Variants in SLC38A10 observed in about 807,000 individuals in gnomAD.
SLC38A10 encodes Sodium-coupled neutral amino acid transporter 10.
SLC38A10 carries 53 observed loss-of-function variants against 81.0 expected under a neutral mutation model. That is an observed-to-expected ratio of 0.65 (90% CI 0.53 to 0.82). SLC38A10 has a LOEUF of 0.82. SLC38A10 is among the 40% of genes least tolerant of loss of function. The pLI is 0.00. For synonymous variants in SLC38A10, 665 were observed against 655.3 expected, an observed-to-expected ratio of 1.01 and a Z score of -0.23; for missense variants, 1,471 against 1,545.0, an observed-to-expected ratio of 0.95 and a Z score of 0.80.
At chr17:81,249,456 G>A (rs992120281) in intron 14 of SLC38A10, among the ~76,000 whole-genome samples, 5 of 408 alleles carry the variant, frequency 0.012, no homozygotes, top group African/African-American at 0.023. Flanking sequence ...AGGGAGGGAA[G>A]AGGAGGGAGG....
intron 10 of SLC38A10, among the ~76,000 whole-genome samples, chr17:81,267,750 C>T (rs146814435): frequency 5.9e-5 from 9 of 152,124 alleles, no homozygotes; most frequent in African/African-American, 2.2e-4. Flanking sequence ...TAAAAACACC[C>T]AACCAAAGAC....
At position 81,276,103 on chromosome 17, in the gene SLC38A10, C is replaced by G. The variant is rs547977697; in HGVS notation, c.778G>C (p.Val260Leu). The change falls in exon 8 of 16, where the codon GTG becomes CTG. Residue 260 changes from valine (V) to leucine (L), a missense_variant. By Grantham distance (32) the Val-to-Leu change is conservative. Coordinates refer to ENST00000374759, the MANE Select transcript of SLC38A10 (RefSeq NM_001037984.3). This position sits in a 1 kb window ranked among gnomAD's most constrained non-coding sequence, Gnocchi z 4.7. The stretch of plus-strand genomic sequence containing the variant: ...AGGTTGGAGGGAAAGTGCATGAGCA[C>G]GTTGCCGGCCGTGGCCTCGGTGAAG... ...VSFTEATAGN[V>L]LMHFPSNLVT... is the part of the protein sequence containing the mutation. The G allele has an allele frequency of 4.3e-6, 7 of 1,613,760 alleles. No homozygotes were observed. In the South Asian group the frequency reaches 7.7e-5, roughly 18 times the overall value.
At chr17:81,284,007 C>G (rs977743487) in intron 3 of SLC38A10, among the ~76,000 whole-genome samples, 1 of 152,006 alleles carries the variant, frequency 6.6e-6, no homozygotes, top group Non-Finnish European at 1.5e-5. Flanking sequence ...CGACACTCAG[C>G]TTTTCTCAGC....
chr17:81,280,220 A>G (rs551852933), intron 6 of SLC38A10: 144 of 424,388 alleles, frequency 3.4e-4, no homozygotes, highest in Non-Finnish European at 5.8e-4. Flanking sequence ...TGCATCCAGC[A>G]GCCGTCTGAA....
intron 10 of SLC38A10, among the ~76,000 whole-genome samples, chr17:81,269,975 A>C (rs1489424787): frequency 6.6e-6 from 1 of 152,200 alleles, no homozygotes; most frequent in African/African-American, 2.4e-5. Flanking sequence ...AAAAGAAAAA[A>C]AAAATTATCA....
chr17:81,248,018 C>T (rs1415076369), intron 14 of SLC38A10, among the ~76,000 whole-genome samples: 81 of 123,596 alleles, frequency 6.6e-4, no homozygotes, highest in African/African-American at 2.1e-3. Context: ...AGTGCAGTGG[C>T]GCGATCTCAG....
intron 14 of SLC38A10, among the ~76,000 whole-genome samples, chr17:81,250,470 C>T (rs1453543625): frequency 6.6e-6 from 1 of 152,238 alleles, no homozygotes; most frequent in Non-Finnish European, 1.5e-5. Context: ...GTGTGTCTTA[C>T]GAACATCCTG....
rs1174384564 is a variant in SLC38A10 at position 81,253,455 on chromosome 17, T to G, written c.1289-215A>C. Among the ~76,000 whole-genome samples the G allele has an allele frequency of 6.6e-6, 1 of 152,106 alleles. No individual in the cohort carries two copies. The highest frequency in any genetic ancestry group is 3.2e-3 in the Middle Eastern group (1 of 316). ...TGTCAAAATGCGATTTACACCTAACTGGGGGCAGGGAGAACTAGACTCCAT... is the reference window on the plus strand; with the variant it reads ...TGTCAAAATGCGATTTACACCTAACGGGGGGCAGGGAGAACTAGACTCCAT... On this transcript the variant is annotated intron_variant, in intron 11 of 15. Transcript: ENST00000374759. This position sits in a 1 kb window ranked among gnomAD's most constrained non-coding sequence, Gnocchi z 4.1.
At chr17:81,274,772 T>C (rs2063146442) in intron 8 of SLC38A10, among the ~76,000 whole-genome samples, 1 of 152,140 alleles carries the variant, frequency 6.6e-6, no homozygotes, top group Non-Finnish European at 1.5e-5. Flanking sequence ...GGGCCTTTCA[T>C]GGTTCACTCT....
intron 8 of SLC38A10, among the ~76,000 whole-genome samples, chr17:81,275,031 G>A (rs764044633): frequency 1.9e-4 from 29 of 152,104 alleles, no homozygotes; most frequent in Non-Finnish European, 3.1e-4. Flanking sequence ...TCAGCCTCCC[G>A]AGTCACTAGG....
intron 15 of SLC38A10, 45 bp from the exon 16 acceptor site, chr17:81,246,718 A>T: frequency 6.7e-7 from 1 of 1,501,758 alleles, no homozygotes; most frequent in Non-Finnish European, 8.9e-7. Context: ...CACTGTACAC[A>T]GGCTGCCAGT....
intron 10 of SLC38A10, among the ~76,000 whole-genome samples, chr17:81,261,218 T>TGCCACCCCGGCTCCC (rs916557053): frequency 6.6e-6 from 1 of 152,132 alleles, no homozygotes; most frequent in African/African-American, 2.4e-5. Flanking sequence ...GCCCGGCTCC[T>TGCCACCCCGGCTCCC]GCCACCCCGG....
chr17:81,270,946 T>A lies in SLC38A10; in HGVS notation c.1103A>T (p.Lys368Ile), dbSNP rs758170393. 2 of 1,613,966 alleles carry A rather than the reference T, an allele frequency of 1.2e-6. No individual in the cohort carries two copies. The highest frequency in any genetic ancestry group is 4.5e-5 in the East Asian group (2 of 44,876). Residue 368 changes from lysine to isoleucine, a missense_variant, in exon 10 of 16, where the codon AAA (lysine) becomes ATA (isoleucine). This residue lies in a region of SLC38A10 where 720 missense variants were observed against 827.7 expected (regional missense o/e 0.87). Coordinates refer to ENST00000374759, the MANE Select transcript of SLC38A10 (RefSeq NM_001037984.3). The surrounding 1 kb of genome is among the most constrained non-coding windows in gnomAD (Gnocchi z 4.0). ...GGAGGAAAGTGCGTTCTTGTGGATT[T>A]TCTTGTAGATCAGCGCCGGGCAGAT... ...CFICPALIYK[K>I]IHKNALSSQV... is the part of the protein sequence containing the mutation.
intron 2 of SLC38A10, among the ~76,000 whole-genome samples, chr17:81,287,771 T>C (rs1050439566): frequency 2.6e-5 from 4 of 152,156 alleles, no homozygotes; most frequent in African/African-American, 9.7e-5. Flanking sequence ...TTCAGGGACT[T>C]TGAATGAATA....
In SLC38A10 at chr17:81,277,252, T is replaced by C. The variant is rs570348576; in HGVS notation, c.627-119A>G. The C allele has an allele frequency of 4.8e-6, 4 of 841,948 alleles. No homozygotes were observed. The South Asian group carries it at 6.0e-5, about 13-fold the overall frequency. The allele number at this position is 841,948 out of a possible 1,614,324, so 52.2% of individuals were successfully genotyped here. On this transcript the variant is annotated intron_variant, in intron 6 of 15. Coordinates refer to ENST00000374759, the MANE Select transcript of SLC38A10 (RefSeq NM_001037984.3). The surrounding 1 kb of genome is among the most constrained non-coding windows in gnomAD (Gnocchi z 4.5). ...GTCTCTGACCTTCCTTCATGCAACA[T>C]TCTCTGCACACTGGAAGTCCCAGCG...
chr17:81,251,479 G>C lies in SLC38A10; in HGVS notation c.2065+14C>G. On this transcript the variant is annotated intron_variant, in intron 14 of 15. Transcript: ENST00000374759. ...CTGGGCCTGAGGCAGGCGGCTGTAG[G>C]GCGGAGGCCTTACCCTCCAGCTGGC... 6.2e-7 allele frequency: 1 copy of C among 1,604,868 alleles called. No individual in the cohort carries two copies. The highest frequency in any genetic ancestry group is 1.1e-5 in the South Asian group (1 of 90,298).
At chr17:81,285,113 C>G (rs924633838) in intron 2 of SLC38A10, 2 of 437,026 alleles carry the variant, frequency 4.6e-6, no homozygotes, top group Non-Finnish European at 8.3e-6. Context: ...AAGGGAAGGA[C>G]AGGAGGCAGG....
rs1009678301 is a variant in SLC38A10, at chr17:81,270,684, G to A, written c.1131+234C>T. On this transcript the variant is annotated intron_variant, in intron 10 of 15. Coordinates refer to ENST00000374759, the MANE Select transcript of SLC38A10 (RefSeq NM_001037984.3). This position sits in a 1 kb window ranked among gnomAD's most constrained non-coding sequence, Gnocchi z 4.0. ...TACGACTCAGCTAAGTCGGCTCTCA[G>A]GAAAACCCGATGCACAGCTTGAGCA... Among the ~76,000 whole-genome samples the A allele has an allele frequency of 7.2e-5, 11 of 152,340 alleles. No homozygotes were observed. Among genetic ancestry groups the A allele is most frequent in the African/African-American group, 2.6e-4 (11 of 41,572 alleles).
In SLC38A10 at chr17:81,252,526, C is replaced by T. The variant is rs758281598; in HGVS notation, c.1614G>A (p.Met538Ile). Reference protein sequence around the residue: ...GGKAPGVQGQMAPPLPDSERE... With the variant: ...GGKAPGVQGQIAPPLPDSERE... ...TTTCTGAGTCGGGCAGAGGCGGCGC[C>T]ATCTGGCCCTGGACCCCTGGAGCCT... Residue 538 changes from methionine (M) to isoleucine (I), a missense_variant, in exon 13 of 16, where the codon ATG becomes ATA. Met to Ile is a conservative substitution (Grantham distance 10). This residue lies in a region of SLC38A10 where 720 missense variants were observed against 827.7 expected (regional missense o/e 0.87). Coordinates refer to ENST00000374759, the MANE Select transcript of SLC38A10 (RefSeq NM_001037984.3). The T allele has an allele frequency of 4.6e-5, 74 of 1,613,258 alleles. No individual in the cohort carries two copies. Among genetic ancestry groups the T allele is most frequent in the Admixed American group, 3.8e-4 (23 of 60,006 alleles).
Sources: allele counts gnomAD v4.1 joint callset (sites outside exome capture counted in the v4.1 genomes callset), GRCh38; gene constraint gnomAD v4.1.1; regional missense constraint gnomAD v4.1.1; non-coding constraint Gnocchi (gnomAD v3.1); transcripts MANE v1.5; gene names NCBI Gene and HGNC (gene_info 2026-07-23, HGNC 2026-07-21).